PIK3C2G: variants seen among roughly 807,000 people sequenced by gnomAD.
PIK3C2G encodes the protein phosphatidylinositol-4-phosphate 3-kinase catalytic subunit type 2 gamma.
PIK3C2G carries 168 observed loss-of-function variants against 181.1 expected under a neutral mutation model. The observed-to-expected ratio is 0.93, with a 90% CI of 0.82 to 1.05. PIK3C2G has a LOEUF of 1.05. Ranked by LOEUF, PIK3C2G falls within the 50% of genes least tolerant of loss-of-function variation. The probability of loss-of-function intolerance (pLI) is 0.00; values close to 1 mark genes in which losing one functional copy is unlikely to be tolerated. For synonymous variants in PIK3C2G, 573 were observed against 592.2 expected, an observed-to-expected ratio of 0.97 and a Z score of 0.47; for missense variants, 1,869 against 1,732.8, an observed-to-expected ratio of 1.08 and a Z score of -1.40.
intron 26 of PIK3C2G, among the ~76,000 whole-genome samples, chr12:18,549,931 C>CT (rs144927472): frequency 9.9e-5 from 15 of 151,376 alleles, no homozygotes; most frequent in Non-Finnish European, 1.9e-4. Flanking sequence ...CCTCTCTCTA[C>CT]TTTTTTTTTC....
the PIK3C2G span, among the ~76,000 whole-genome samples, chr12:18,685,295 T>C: frequency 6.6e-6 from 1 of 151,990 alleles, no homozygotes; most frequent in Non-Finnish European, 1.5e-5. Flanking sequence ...GAAATCCACA[T>C]CGTGTCACAG....
At chr12:18,629,567 AT>A (rs1209854324) in intron 31 of PIK3C2G, among the ~76,000 whole-genome samples, 1 of 152,212 alleles carries the variant, frequency 6.6e-6, no homozygotes, top group Non-Finnish European at 1.5e-5. Context: ...GCTGTTACAA[AT>A]AAAGTCTGGC....
At position 18,446,460 on chromosome 12, in the gene PIK3C2G, G is replaced by A. The variant is rs187900363; in HGVS notation, c.2504+22421G>A. 7.6e-4 allele frequency among the ~76,000 whole-genome samples: 116 copies of A among 152,166 alleles called. 1 individual carries two copies. The highest frequency in any genetic ancestry group is 1.4e-3 in the Non-Finnish European group (92 of 68,018). ...TGTCTTCACTGTTCCCTTCATGGCC[G>A]CTGACTCATTCCTGAAGTCCCACAC... On this transcript the variant is annotated intron_variant, in intron 18 of 32. Coordinates refer to ENST00000538779, the MANE Select transcript of PIK3C2G (RefSeq NM_001288772.2).
intron 18 of PIK3C2G, among the ~76,000 whole-genome samples, chr12:18,450,836 C>A (rs1246013638): frequency 6.6e-6 from 1 of 152,158 alleles, no homozygotes; most frequent in East Asian, 1.9e-4. Flanking sequence ...AATAGGGAAT[C>A]CTTTCACCAT....
intron 3 of PIK3C2G, among the ~76,000 whole-genome samples, chr12:18,290,124 A>G (rs992638218): frequency 6.6e-6 from 1 of 152,190 alleles, no homozygotes; most frequent in Non-Finnish European, 1.5e-5. Context: ...TATCCACCTC[A>G]GTAAACCTTT....
rs553684671 is a variant in PIK3C2G at position 18,635,651 on chromosome 12, A to G, written c.4183-4778A>G. Among the ~76,000 whole-genome samples, 13 of 152,280 alleles carry G rather than the reference A, an allele frequency of 8.5e-5. No individual in the cohort carries two copies. The South Asian group carries it at 2.7e-3, about 32-fold the overall frequency. On this transcript the variant is annotated intron_variant, in intron 31 of 32. Transcript: ENST00000538779. The stretch of plus-strand genomic sequence containing the variant: ...ATAGGGACTTGCAAAGCCTTCAAAC[A>G]TCATCTTTTCTGCCACTGACACTTT...
At chr12:18,475,070 C>T (rs770980137) in intron 18 of PIK3C2G, among the ~76,000 whole-genome samples, 1 of 151,678 alleles carries the variant, frequency 6.6e-6, no homozygotes, top group African/African-American at 2.4e-5. Context: ...CCGAATGGTC[C>T]GGTGTGAAAA....
At chr12:18,502,055 T>G (rs1285855344) in intron 22 of PIK3C2G, among the ~76,000 whole-genome samples, 1 of 152,164 alleles carries the variant, frequency 6.6e-6, no homozygotes, top group East Asian at 1.9e-4. Context: ...TTAACACACA[T>G]GAGAAAACCT....
chr12:18,582,359 C>T (rs1285149669), intron 29 of PIK3C2G, among the ~76,000 whole-genome samples: 2 of 152,090 alleles, frequency 1.3e-5, no homozygotes, highest in African/African-American at 4.8e-5. Context: ...CCACAGTTTT[C>T]ACATGGATCT....
intron 13 of PIK3C2G, among the ~76,000 whole-genome samples, chr12:18,377,234 T>C (rs1257847053): frequency 6.6e-6 from 1 of 152,214 alleles, no homozygotes; most frequent in Non-Finnish European, 1.5e-5. Flanking sequence ...TCTTGTTGTT[T>C]GAGGAAATGG....
intron 18 of PIK3C2G, among the ~76,000 whole-genome samples, chr12:18,475,699 G>T (rs1401082156): frequency 6.6e-6 from 1 of 151,934 alleles, no homozygotes; most frequent in African/African-American, 2.4e-5. Flanking sequence ...TATAAATTAA[G>T]TTTAATCAGT....
intron 7 of PIK3C2G, among the ~76,000 whole-genome samples, chr12:18,322,872 C>T (rs1010354527): frequency 6.6e-6 from 1 of 152,096 alleles, no homozygotes; most frequent in African/African-American, 2.4e-5. Context: ...GTATAACATA[C>T]AAACAAGGTC....
intron 1 of PIK3C2G, 119 bp downstream of exon 1, chr12:18,261,696 T>C (rs1054070308): frequency 1.6e-4 from 25 of 152,264 alleles, no homozygotes; most frequent in African/African-American, 6.0e-4. Flanking sequence ...AAATGGTAGA[T>C]GAATTTAAAA....
At chr12:18,407,725 T>C (rs1296625140) in intron 16 of PIK3C2G, among the ~76,000 whole-genome samples, 2 of 152,134 alleles carry the variant, frequency 1.3e-5, no homozygotes, top group East Asian at 3.9e-4. Context: ...TTAAGTAAGT[T>C]ATATTCGAGC....
At chr12:18,275,702 C>T (rs188728517) in intron 1 of PIK3C2G, among the ~76,000 whole-genome samples, 304 of 152,222 alleles carry the variant, frequency 2.0e-3, no homozygotes, top group African/African-American at 7.0e-3. Context: ...TTTCTTACTC[C>T]TGTTTTTCTC....
the PIK3C2G span, among the ~76,000 whole-genome samples, chr12:18,704,876 A>G: frequency 6.6e-6 from 1 of 152,150 alleles, no homozygotes; most frequent in Non-Finnish European, 1.5e-5. Flanking sequence ...TGTAAAACAT[A>G]CTAAATTTCT....
intron 1 of PIK3C2G, among the ~76,000 whole-genome samples, chr12:18,255,409 G>T (rs1948136278): frequency 6.6e-6 from 1 of 151,958 alleles, no homozygotes; most frequent in African/African-American, 2.4e-5. Context: ...TATAACAAAA[G>T]TACCCAAAAT....
chr12:18,266,648 C>T (rs1299543465), intron 1 of PIK3C2G, among the ~76,000 whole-genome samples: 2 of 152,074 alleles, frequency 1.3e-5, no homozygotes, highest in African/African-American at 4.8e-5. Flanking sequence ...GTTTTAGCTG[C>T]TCTCACATAC....
chr12:18,267,694 T>C (rs2137033002), intron 1 of PIK3C2G, among the ~76,000 whole-genome samples: 1 of 152,332 alleles, frequency 6.6e-6, no homozygotes, highest in African/African-American at 2.4e-5. Context: ...AGTCACTTAA[T>C]TTCCCTAAAT....
Sources: allele counts gnomAD v4.1 joint callset (sites outside exome capture counted in the v4.1 genomes callset), GRCh38; gene constraint gnomAD v4.1.1; transcripts MANE v1.5; gene names NCBI Gene and HGNC (gene_info 2026-07-23, HGNC 2026-07-21).